BTG4: variants seen among roughly 807,000 people sequenced by gnomAD.
BTG4 encodes BTG anti-proliferation factor 4.
In BTG4, 10 loss-of-function variants were observed where a neutral mutation model predicts 19.3. That is an observed-to-expected ratio of 0.52 (90% CI 0.32 to 0.88). The LOEUF is 0.88. BTG4 is among the 40% of genes least tolerant of loss of function. The pLI, the probability that BTG4 is intolerant of heterozygous loss-of-function variation, is 0.04. For missense variants in BTG4, 238 were observed against 281.9 expected, an observed-to-expected ratio of 0.84 and a Z score of 1.11; for synonymous variants, 91 against 95.7, an observed-to-expected ratio of 0.95 and a Z score of 0.29.
intron 5 of BTG4, among the ~76,000 whole-genome samples, chr11:111,477,536 T>G (rs1864467605): frequency 6.6e-6 from 1 of 152,004 alleles, no homozygotes; most frequent in Non-Finnish European, 1.5e-5. Flanking sequence ...TTTTCTGTAC[T>G]CCTCCCACTA....
intron 5 of BTG4, among the ~76,000 whole-genome samples, chr11:111,474,139 G>GC (rs1864252238): frequency 1.3e-5 from 2 of 152,176 alleles, no homozygotes; most frequent in Admixed American, 6.5e-5. Context: ...CTCCTCCTGG[G>GC]CCCCAATCCA....
At chr11:111,456,370 C>A in the BTG4 span, 1 of 384,734 alleles carries the variant, frequency 2.6e-6, no homozygotes, top group Non-Finnish European at 5.4e-6. The surrounding 1 kb of genome is among the most constrained non-coding windows in gnomAD (Gnocchi z 4.2). Context: ...GAGACCCCTG[C>A]CCCCTCAGGA....
chr11:111,428,094 G>C, the BTG4 span, among the ~76,000 whole-genome samples: 2 of 152,174 alleles, frequency 1.3e-5, no homozygotes, highest in Admixed American at 1.3e-4. Context: ...CCAAGAGCTA[G>C]GATAAATGGT....
chr11:111,388,654 A>ATC, the BTG4 span, among the ~76,000 whole-genome samples: 1 of 152,114 alleles, frequency 6.6e-6, no homozygotes, highest in African/African-American at 2.4e-5. Context: ...AGGAATAGTG[A>ATC]TCCAGTGACC....
At chr11:111,505,777 A>T (rs1319386220) in intron 1 of BTG4, among the ~76,000 whole-genome samples, 1 of 152,062 alleles carries the variant, frequency 6.6e-6, no homozygotes, top group Non-Finnish European at 1.5e-5. Flanking sequence ...AAACAACTCA[A>T]CAAACATAAA....
the BTG4 span, among the ~76,000 whole-genome samples, chr11:111,420,188 T>C: frequency 6.6e-6 from 1 of 152,238 alleles, no homozygotes; most frequent in African/African-American, 2.4e-5. Context: ...TGCAAAGTCC[T>C]GGAGGACTTG....
the BTG4 span, chr11:111,458,159 CA>C: frequency 6.5e-6 from 1 of 152,820 alleles, no homozygotes; most frequent in Non-Finnish European, 1.5e-5. Context: ...TGTCCTGCAG[CA>C]GGCTCAGAGG....
intron 5 of BTG4, among the ~76,000 whole-genome samples, chr11:111,483,485 T>C (rs994373275): frequency 1.3e-5 from 2 of 152,050 alleles, no homozygotes; most frequent in Admixed American, 6.6e-5. Context: ...GATAAAAAGA[T>C]AACAGAGAAG....
chr11:111,452,218 T>TAGTCATCTGATTTG, the BTG4 span, among the ~76,000 whole-genome samples: 2 of 152,242 alleles, frequency 1.3e-5, no homozygotes, highest in Non-Finnish European at 1.5e-5. Flanking sequence ...CTCATACAGA[T>TAGTCATCTGATTTG]AGTCATCTGA....
At chr11:111,498,877 G>A in intron 1 of BTG4, 75 bp from the exon 2 acceptor site, 1 of 1,063,328 alleles carries the variant, frequency 9.4e-7, no homozygotes, top group Non-Finnish European at 1.3e-6. Flanking sequence ...ACTGCCATTT[G>A]GAAATTTTAC....
At chr11:111,485,395 A>G (rs1001538533) in intron 5 of BTG4, among the ~76,000 whole-genome samples, 1 of 152,220 alleles carries the variant, frequency 6.6e-6, no homozygotes, top group African/African-American at 2.4e-5. Flanking sequence ...AAATGAAATC[A>G]TATCAACTAC....
At chr11:111,506,569 T>C (rs2135726467) in intron 1 of BTG4, among the ~76,000 whole-genome samples, 1 of 152,106 alleles carries the variant, frequency 6.6e-6, no homozygotes, top group African/African-American at 2.4e-5. Context: ...CACGCAACAT[T>C]ATGCATGTAA....
At chr11:111,491,141 G>A (rs1865390707), downstream of BTG4, among the ~76,000 whole-genome samples, 3 of 152,200 alleles carry the variant, frequency 2.0e-5, no homozygotes, top group African/African-American at 4.8e-5. Context: ...CCTACAGTAT[G>A]ATTAATTTAT....
chr11:111,446,197 G>A, the BTG4 span, among the ~76,000 whole-genome samples: 8,432 of 152,160 alleles, frequency 0.055, 333 homozygotes, highest in Non-Finnish European at 0.089. Flanking sequence ...GGTATGGAGC[G>A]AACAGGCTTC....
chr11:111,509,171 A>G (rs1164325755), intron 1 of BTG4, among the ~76,000 whole-genome samples: 3 of 152,246 alleles, frequency 2.0e-5, no homozygotes, highest in Non-Finnish European at 4.4e-5. Context: ...ATGGAATTAT[A>G]AAAACCGCTG....
the BTG4 span, among the ~76,000 whole-genome samples, chr11:111,428,781 A>G: frequency 6.6e-6 from 1 of 152,302 alleles, no homozygotes; most frequent in East Asian, 1.9e-4. Flanking sequence ...AGGGTCTACC[A>G]GTGTGAGAGG....
the BTG4 span, chr11:111,399,340 A>T: frequency 2.0e-5 from 3 of 152,028 alleles, no homozygotes; most frequent in Non-Finnish European, 4.4e-5. Context: ...CTCTTCCCCG[A>T]CCTCCTGTAA....
intron 5 of BTG4, among the ~76,000 whole-genome samples, chr11:111,475,785 G>A (rs1591461252): frequency 6.6e-6 from 1 of 152,140 alleles, no homozygotes; most frequent in African/African-American, 2.4e-5. Flanking sequence ...ACATGCTTCA[G>A]ACTGGGTAAT....
In BTG4 at chr11:111,497,251, C is replaced by A. The variant is rs774957341; in HGVS notation, c.470G>T (p.Arg157Leu). ...CGGATTGCTGACTTTAGGAATGACA[C>A]GAGGTTCCTTGCTACAACTTTCTTC... ...CDEESCSKEPRVIPKVSNPKS... is the reference protein window; with the variant it reads ...CDEESCSKEPLVIPKVSNPKS... Residue 157 changes from arginine (R) to leucine (L), a missense_variant, in exon 4 of 5, where the codon CGT becomes CTT. Arg to Leu is a moderately radical substitution (Grantham distance 102, BLOSUM62 -2). Transcript: ENST00000692032. The A allele has an allele frequency of 1.2e-6, 2 of 1,612,966 alleles. No homozygotes were observed. Among genetic ancestry groups the A allele is most frequent in the Non-Finnish European group, 1.7e-6 (2 of 1,179,530 alleles).
Sources: allele counts gnomAD v4.1 joint callset (sites outside exome capture counted in the v4.1 genomes callset), GRCh38; gene constraint gnomAD v4.1.1; non-coding constraint Gnocchi (gnomAD v3.1); transcripts MANE v1.5; gene names NCBI Gene and HGNC (gene_info 2026-07-23, HGNC 2026-07-21).